ATP10A: variants seen among roughly 807,000 people sequenced by gnomAD.
The protein encoded by ATP10A is phospholipid-transporting ATPase VA.
Under a neutral mutation model 147.8 loss-of-function variants are expected in ATP10A, and 111 were observed. The observed-to-expected ratio is 0.75, with a 90% confidence interval of 0.64 to 0.88. ATP10A has a LOEUF of 0.88. ATP10A is among the 40% of genes least tolerant of loss of function. The pLI is 0.00. For synonymous variants in ATP10A, 875 were observed against 841.6 expected, an observed-to-expected ratio of 1.04 and a Z score of -0.69; for missense variants, 1,927 against 1,959.0, an observed-to-expected ratio of 0.98 and a Z score of 0.31.
intron 1 of ATP10A, among the ~76,000 whole-genome samples, chr15:25,850,814 C>G (rs1352044090): frequency 6.6e-6 from 1 of 152,118 alleles, no homozygotes; most frequent in Non-Finnish European, 1.5e-5. Context: ...CTTTCCTGCC[C>G]CTGACTTTTT....
intron 7 of ATP10A, among the ~76,000 whole-genome samples, chr15:25,718,805 C>G (rs146488288): frequency 6.6e-6 from 1 of 152,278 alleles, no homozygotes; most frequent in Non-Finnish European, 1.5e-5. Flanking sequence ...CGGTGCTCAC[C>G]TGGTGCTGAG....
At chr15:25,680,378 C>T (rs560836179) in intron 19 of ATP10A, 70 bp from the exon 20 acceptor site, 12 of 1,503,376 alleles carry the variant, frequency 8.0e-6, no homozygotes, top group Admixed American at 1.8e-5. Flanking sequence ...ATAACAAAAA[C>T]GTGCCAGTCA....
At chr15:25,807,332 G>A (rs1891232103) in intron 1 of ATP10A, among the ~76,000 whole-genome samples, 2 of 152,190 alleles carry the variant, frequency 1.3e-5, no homozygotes, top group African/African-American at 4.8e-5. Context: ...CTGCGGCTAG[G>A]GGCTGGCTTC....
chr15:25,701,437 C>T (rs4906750), intron 13 of ATP10A, among the ~76,000 whole-genome samples: 116,489 of 152,120 alleles, frequency 0.77, 45,301 homozygotes, highest in South Asian at 0.89. Context: ...TGAAAGCCGG[C>T]GCAAGAAGTT....
chr15:25,694,345 G>C (rs1320888218), intron 14 of ATP10A, among the ~76,000 whole-genome samples: 4 of 152,266 alleles, frequency 2.6e-5, no homozygotes, highest in South Asian at 2.1e-4. Flanking sequence ...CAGCACAGCT[G>C]ACAGGAGGCA....
intron 5 of ATP10A, 141 bp from the exon 6 acceptor site, chr15:25,724,162 AAGCGAAAACACAATGTTCTC>A: frequency 2.2e-6 from 2 of 896,650 alleles, no homozygotes; most frequent in Non-Finnish European, 3.2e-6. Flanking sequence ...CCATGTCAGA[AAGCGAAAACACAATGTTCTC>A]AGCACCTTCG....
chr15:25,698,757 A>G (rs1275538879), intron 13 of ATP10A, among the ~76,000 whole-genome samples: 1 of 152,182 alleles, frequency 6.6e-6, no homozygotes, highest in African/African-American at 2.4e-5. Context: ...ACAAATTTTC[A>G]ACTTTTGGAT....
At chr15:25,849,723 T>G (rs1893195899) in intron 1 of ATP10A, among the ~76,000 whole-genome samples, 1 of 152,158 alleles carries the variant, frequency 6.6e-6, no homozygotes, top group African/African-American at 2.4e-5. Context: ...AGGGTCTCTG[T>G]CAGCATGGCC....
At chr15:25,701,836 T>C (rs1900679953) in intron 13 of ATP10A, 80 bp downstream of exon 13, 4 of 1,343,304 alleles carry the variant, frequency 3.0e-6, no homozygotes, top group Non-Finnish European at 4.1e-6. Flanking sequence ...CTGCCAGGAA[T>C]GTGAGTGTCT....
chr15:25,723,752 T>G (rs573936051), intron 6 of ATP10A, 139 bp downstream of exon 6: 4 of 687,068 alleles, frequency 5.8e-6, no homozygotes, highest in Non-Finnish European at 8.5e-6. Context: ...GGCTGAAAAA[T>G]AAAAGGCAGA....
chr15:25,784,836 C>T (rs1005004479), intron 1 of ATP10A, among the ~76,000 whole-genome samples: 3 of 151,704 alleles, frequency 2.0e-5, no homozygotes, highest in Admixed American at 6.6e-5. Flanking sequence ...GCAGGAGAAT[C>T]GCTTGAACCC....
At chr15:25,733,540 A>G (rs1196130699) in intron 3 of ATP10A, among the ~76,000 whole-genome samples, 1 of 152,156 alleles carries the variant, frequency 6.6e-6, no homozygotes, top group African/African-American at 2.4e-5. Flanking sequence ...GGCAAGTATT[A>G]ACACACTGCT....
intron 5 of ATP10A, among the ~76,000 whole-genome samples, chr15:25,724,263 G>A (rs1013658153): frequency 6.6e-6 from 1 of 152,182 alleles, no homozygotes; most frequent in Non-Finnish European, 1.5e-5. Context: ...TTGGTGCTAA[G>A]TGGCACCACT....
intron 7 of ATP10A, among the ~76,000 whole-genome samples, chr15:25,720,875 T>C (rs1902171622): frequency 6.6e-6 from 1 of 152,232 alleles, no homozygotes; most frequent in South Asian, 2.1e-4. Flanking sequence ...AGCAGCTTCC[T>C]AGTCATGCCC....
At chr15:25,801,522 C>T (rs1217954151) in intron 1 of ATP10A, among the ~76,000 whole-genome samples, 15 of 152,278 alleles carry the variant, frequency 9.9e-5, no homozygotes, top group East Asian at 9.7e-4. Flanking sequence ...AGAATGAGGG[C>T]GGACGAGAGT....
intron 1 of ATP10A, among the ~76,000 whole-genome samples, chr15:25,787,844 C>A (rs550094667): frequency 2.6e-5 from 4 of 152,026 alleles, no homozygotes; most frequent in African/African-American, 9.7e-5. Flanking sequence ...CCCCCTACAT[C>A]GGCCTGCATA....
At chr15:25,684,652 C>T (rs374704816) in intron 16 of ATP10A, among the ~76,000 whole-genome samples, 1 of 152,110 alleles carries the variant, frequency 6.6e-6, no homozygotes, top group Non-Finnish European at 1.5e-5. Flanking sequence ...TGTTCAACTG[C>T]GATGGGTCTT....
chr15:25,701,407 C>T (rs1048119536), intron 13 of ATP10A, among the ~76,000 whole-genome samples: 4 of 152,168 alleles, frequency 2.6e-5, no homozygotes, highest in African/African-American at 4.8e-5. Flanking sequence ...AAGACAGTTC[C>T]CTGCTCCATT....
intron 2 of ATP10A, among the ~76,000 whole-genome samples, chr15:25,777,093 G>C (rs375709920): frequency 1.7e-5 from 2 of 115,882 alleles, no homozygotes; most frequent in African/African-American, 7.6e-5. Flanking sequence ...GTGTGCATAC[G>C]TGCGTGTGTG....
Sources: gnomAD v4.1 joint callset for allele counts (sites outside exome capture counted in the v4.1 genomes callset) on GRCh38, gnomAD v4.1.1 for gene constraint, MANE v1.5 for transcripts, NCBI Gene and HGNC (gene_info 2026-07-23, HGNC 2026-07-21) for gene names.